Variants in ESYT3 observed in about 807,000 individuals in gnomAD.
ESYT3 encodes the protein extended synaptotagmin 3.
ESYT3 carries 101 observed loss-of-function variants against 111.5 expected under a neutral mutation model. The observed-to-expected ratio is 0.91, with a 90% CI of 0.77 to 1.07. ESYT3 has a LOEUF of 1.07. ESYT3 is among the 50% of genes least tolerant of loss of function. ESYT3 has a pLI of 0.00. For synonymous variants in ESYT3, 416 were observed against 446.8 expected (o/e 0.93, Z 0.87); for missense variants, 1,097 against 1,109.4 (o/e 0.99, Z 0.16).
chr3:138,469,298 A>C, intron 14 of ESYT3, 138 bp from the exon 15 acceptor site: 1 of 725,762 alleles, frequency 1.4e-6, no homozygotes, highest in East Asian at 2.5e-5. Context: ...GGACTGGGGC[A>C]TTAGAGTAGC....
rs201328888 is a variant in ESYT3 at position 138,468,716 on chromosome 3, C to T, written c.1370C>T (p.Pro457Leu). ...TTCTTGGAGAGTGCCTGCAACTTGC[C>T]GGTGAGTGGCGACATGTCCAGAGTG... ...VVFLESACNL[P>L]RNPFDYLNGE... Residue 457 changes from proline (P) to leucine (L), a missense_variant and splice_region_variant, in exon 13 of 23, where the codon CCG becomes CTG. By Grantham distance (98) the Pro-to-Leu change is moderately conservative. Coordinates refer to ENST00000389567, the MANE Select transcript of ESYT3 (RefSeq NM_031913.5). 1.9e-4 allele frequency: 306 copies of T among 1,614,108 alleles called. No homozygotes were observed. Among genetic ancestry groups the T allele is most frequent in the Admixed American group, 6.8e-4 (41 of 60,014 alleles).
intron 15 of ESYT3, 86 bp downstream of exon 15, chr3:138,469,590 A>ATTCCC: frequency 9.0e-7 from 1 of 1,111,650 alleles, no homozygotes; most frequent in Non-Finnish European, 1.4e-6. Context: ...AGGGGAATTA[A>ATTCCC]CTTATGGTGA....
chr3:138,473,128 C>T lies in ESYT3; in HGVS notation c.2237+269C>T, dbSNP rs574670159. 2.8e-5 allele frequency: 38 copies of T among 1,369,014 alleles called. 1 individual carries two copies. The African/African-American group carries it at 4.2e-4, about 15-fold the overall frequency. 84.8% of individuals were successfully genotyped at this position (1,369,014 alleles called of 1,614,324 possible). Reference sequence around the variant, plus strand: ...CTTCCAGCAGAACCATTGAGTTATACTGGGATGACATGGAAAGCTTAATAT... The same window carrying T: ...CTTCCAGCAGAACCATTGAGTTATATTGGGATGACATGGAAAGCTTAATAT... On this transcript the variant is annotated intron_variant, in intron 18 of 22. Transcript: ENST00000389567.
chr3:138,455,689 T>TGAACA (rs1405347686), intron 3 of ESYT3, among the ~76,000 whole-genome samples: 1 of 152,200 alleles, frequency 6.6e-6, no homozygotes, highest in Non-Finnish European at 1.5e-5. Context: ...TCAGAGCCGG[T>TGAACA]GAACACACGC....
chr3:138,480,300 T>C (rs2033664376), downstream of ESYT3: 2 of 152,142 alleles, frequency 1.3e-5, no homozygotes, highest in African/African-American at 2.4e-5. Flanking sequence ...AAAAGATCCA[T>C]CCAAGAATCA....
chr3:138,465,221 T>G, intron 9 of ESYT3, 118 bp from the exon 10 acceptor site: 1 of 671,318 alleles, frequency 1.5e-6, no homozygotes, highest in Non-Finnish European at 2.6e-6. Context: ...GGTGGGGTTC[T>G]TGAGGCACTG....
Position 138,435,102 on chromosome 3 carries a change from CG to C in ESYT3, c.308del (p.Gly103AlafsTer30). 6.3e-7 allele frequency: 1 copy of C among 1,587,962 alleles called. No individual in the cohort carries two copies. ...NEREFISREL[R>X]GQHLPAWIHF... ...ACGCGAGTTCATCAGCCGCGAGCTG[CG>C]GGGCCAGCACCTGCCAGCCTGGGTG... On this transcript the variant is annotated frameshift_variant, in exon 1 of 23. Coordinates refer to ENST00000389567, the MANE Select transcript of ESYT3 (RefSeq NM_031913.5). LOFTEE classifies it high-confidence loss of function. This position sits in a 1 kb window ranked among gnomAD's most constrained non-coding sequence, Gnocchi z 4.8.
At chr3:138,468,762 G>A in intron 13 of ESYT3, 45 bp downstream of exon 13, 1 of 1,613,738 alleles carries the variant, frequency 6.2e-7, no homozygotes, top group Non-Finnish European at 8.5e-7. Context: ...GCAACAAAGT[G>A]CCCATCACTT....
At chr3:138,438,652 T>C (rs975504701) in intron 1 of ESYT3, among the ~76,000 whole-genome samples, 1 of 152,214 alleles carries the variant, frequency 6.6e-6, no homozygotes, top group Non-Finnish European at 1.5e-5. Context: ...AGAAATTTGC[T>C]TTCCCTGACT....
intron 8 of ESYT3, among the ~76,000 whole-genome samples, chr3:138,464,078 T>C (rs551585911): frequency 2.6e-5 from 4 of 152,354 alleles, no homozygotes; most frequent in African/African-American, 9.6e-5. Flanking sequence ...ATAGCTGCAG[T>C]TGAATAAGCC....
At chr3:138,463,844 G>T (rs890374000) in intron 8 of ESYT3, among the ~76,000 whole-genome samples, 1 of 151,832 alleles carries the variant, frequency 6.6e-6, no homozygotes, top group African/African-American at 2.4e-5. Flanking sequence ...GAGGGGGTCT[G>T]CCCTGTAGTA....
intron 8 of ESYT3, among the ~76,000 whole-genome samples, chr3:138,462,676 A>G (rs1482906797): frequency 6.6e-6 from 1 of 152,078 alleles, no homozygotes; most frequent in Non-Finnish European, 1.5e-5. Context: ...CATTTTATTG[A>G]TTGATTGGGT....
chr3:138,468,635 G>A lies in ESYT3; in HGVS notation c.1309-20G>A, dbSNP rs187064724. On this transcript the variant is annotated intron_variant, in intron 12 of 22. Transcript: ENST00000389567. ...TCCTGCTGCTGGGAGTACCCAGTGA[G>A]GGTCTGTGTCTGTTTGCAGGACCAT... 4,541 of 1,613,680 alleles carry A rather than the reference G, an allele frequency of 2.8e-3. 20 individuals carry two copies. Among genetic ancestry groups the A allele is most frequent in the Non-Finnish European group, 3.3e-3 (3,895 of 1,179,650 alleles).
chr3:138,468,745 C>T (rs779585418), intron 13 of ESYT3, 28 bp downstream of exon 13: 1 of 1,613,976 alleles, frequency 6.2e-7, no homozygotes, highest in South Asian at 1.1e-5. Context: ...CAGAGTGTCA[C>T]ACAAACGCAA....
rs1324088166 is a variant in ESYT3 at position 138,473,709 on chromosome 3, G to A, written c.2336+75G>A. 9.6e-6 allele frequency: 12 copies of A among 1,250,710 alleles called. No homozygotes were observed. The South Asian group carries it at 1.5e-4, about 16-fold the overall frequency. The allele number at this position is 1,250,710 out of a possible 1,614,324, so 77.5% of individuals were successfully genotyped here. Reference sequence around the variant, plus strand: ...ATAAATCAGAGTAGGGACACTCAGAGCAATGAAAAGGGCACATAGTCCCAA... The same window carrying A: ...ATAAATCAGAGTAGGGACACTCAGAACAATGAAAAGGGCACATAGTCCCAA... On this transcript the variant is annotated intron_variant, in intron 19 of 22. Transcript: ENST00000389567.
At position 138,457,443 on chromosome 3, in the gene ESYT3, G is replaced by A. The variant is rs2032352255; in HGVS notation, c.505-125G>A. On this transcript the variant is annotated intron_variant, in intron 3 of 22. Transcript: ENST00000389567. ...GGCTGCAGGATAGATTTACATGTCT[G>A]TGCCTCGTCTTGGAAGTATGGTGGT... is the stretch of plus-strand genomic sequence containing the variant. The A allele has an allele frequency of 8.4e-6, 7 of 835,646 alleles. No homozygotes were observed. In the South Asian group the frequency reaches 9.5e-5, roughly 11 times the overall value. 51.8% of individuals were successfully genotyped at this position (835,646 alleles called of 1,614,324 possible).
At chr3:138,455,650 T>C (rs1262659626) in intron 3 of ESYT3, among the ~76,000 whole-genome samples, 1 of 152,186 alleles carries the variant, frequency 6.6e-6, no homozygotes, top group Admixed American at 6.5e-5. Context: ...GCCAGACAGA[T>C]ACAAAGATGG....
chr3:138,460,104 A>G lies in ESYT3; in HGVS notation c.738+70A>G, dbSNP rs1272398750. The G allele has an allele frequency of 5.0e-6, 7 of 1,412,338 alleles. No homozygotes were observed. The African/African-American group carries it at 8.5e-5, about 17-fold the overall frequency. 87.5% of individuals were successfully genotyped at this position (1,412,338 alleles called of 1,614,324 possible). A position where few individuals can be genotyped will look rare whatever the true frequency, so the allele number is the denominator to read the frequency against. On this transcript the variant is annotated intron_variant, in intron 6 of 22. Coordinates refer to ENST00000389567, the MANE Select transcript of ESYT3 (RefSeq NM_031913.5). Reference sequence around the variant, plus strand: ...GGCACTGGTCTGCTGGGCCCTAGACATTGGGTTTGAGTCCAAGAATGGACA... The same window carrying G: ...GGCACTGGTCTGCTGGGCCCTAGACGTTGGGTTTGAGTCCAAGAATGGACA...
chr3:138,472,638 C>T lies in ESYT3; in HGVS notation c.2016C>T (p.Ala672=). Reference sequence around the variant, plus strand: ...CAGAGCCTAAAGGCAAGGACAGTGCCAAAAGGTTCTGTGAGCCCATCGGGG... The same window carrying T: ...CAGAGCCTAAAGGCAAGGACAGTGCTAAAAGGTTCTGTGAGCCCATCGGGG... The part of the protein sequence containing the change: ...TGPEPKGKDS[A]KRFCEPIGEK... Residue 672 remains alanine (A), a synonymous_variant, in exon 18 of 23, where the codon GCC becomes GCT. Coordinates refer to ENST00000389567, the MANE Select transcript of ESYT3 (RefSeq NM_031913.5). 6.2e-7 allele frequency: 1 copy of T among 1,614,230 alleles called. No individual in the cohort carries two copies.
Sources: gnomAD v4.1 joint callset for allele counts (sites outside exome capture counted in the v4.1 genomes callset) on GRCh38, gnomAD v4.1.1 for gene constraint, Gnocchi (gnomAD v3.1) non-coding constraint, MANE v1.5 for transcripts, NCBI Gene and HGNC (gene_info 2026-07-23, HGNC 2026-07-21) for gene names.